The following AGBL1 variants were observed in gnomAD, a reference collection of about 807,000 sequenced individuals.
AGBL1 encodes AGBL carboxypeptidase 1.
In AGBL1, 130 loss-of-function variants were observed where a neutral mutation model predicts 118.9. That is an observed-to-expected ratio of 1.09 (90% CI 0.95 to 1.26). The LOEUF is 1.26. AGBL1 is among the 50% of genes most tolerant of loss of function. The probability of loss-of-function intolerance (pLI) is 0.00; values close to 1 mark genes in which losing one functional copy is unlikely to be tolerated. For missense variants in AGBL1, 1,584 were observed against 1,298.1 expected (o/e 1.22, Z -3.38); for synonymous variants, 555 against 478.9 (o/e 1.16, Z -2.08).
intron 18 of AGBL1, among the ~76,000 whole-genome samples, chr15:86,522,448 A>C (rs901658174): frequency 3.9e-5 from 6 of 152,224 alleles, no homozygotes; most frequent in Non-Finnish European, 7.3e-5. Flanking sequence ...TGATAGATTG[A>C]ATGCAACTTA....
chr15:86,142,984 T>A (rs2076983512), intron 2 of AGBL1, among the ~76,000 whole-genome samples: 1 of 152,218 alleles, frequency 6.6e-6, no homozygotes, highest in South Asian at 2.1e-4. Context: ...GCCACCTTGG[T>A]TAAGTCAACT....
chr15:86,169,408 G>C (rs2077384597), intron 5 of AGBL1, among the ~76,000 whole-genome samples: 1 of 152,132 alleles, frequency 6.6e-6, no homozygotes, highest in Non-Finnish European at 1.5e-5. Context: ...AGACAGACTG[G>C]AAAACCTCAT....
At chr15:86,303,654 T>C (rs2079790669) in intron 17 of AGBL1, among the ~76,000 whole-genome samples, 1 of 152,056 alleles carries the variant, frequency 6.6e-6, no homozygotes, top group Non-Finnish European at 1.5e-5. Context: ...ATAAAACAAA[T>C]TTTATACTAC....
chr15:86,413,114 G>A (rs1255414472), intron 18 of AGBL1, among the ~76,000 whole-genome samples: 7 of 152,116 alleles, frequency 4.6e-5, no homozygotes, highest in Admixed American at 4.6e-4. Context: ...ATAGAATTCT[G>A]TAATGTTAGA....
chr15:86,584,262 G>T (rs955571333), intron 21 of AGBL1, among the ~76,000 whole-genome samples: 4 of 151,986 alleles, frequency 2.6e-5, no homozygotes, highest in African/African-American at 9.7e-5. Context: ...CTTTCCCAAG[G>T]TCAATGTCCA....
intron 16 of AGBL1, 82 bp from the exon 17 acceptor site, chr15:86,295,173 A>C: frequency 6.8e-7 from 1 of 1,474,252 alleles, no homozygotes; most frequent in Non-Finnish European, 9.3e-7. Flanking sequence ...CTTCTAAACT[A>C]TATGTAAGCC....
chr15:86,467,889 T>C (rs12903131), intron 18 of AGBL1, among the ~76,000 whole-genome samples: 55,555 of 152,006 alleles, frequency 0.37, 11,108 homozygotes, highest in Non-Finnish European at 0.46. Context: ...TCTGTGTTGG[T>C]CTGGCTGGGA....
At chr15:86,251,437 G>A (rs548159666) in intron 7 of AGBL1, among the ~76,000 whole-genome samples, 1 of 152,128 alleles carries the variant, frequency 6.6e-6, no homozygotes, top group Non-Finnish European at 1.5e-5. Context: ...CCTAAATGAC[G>A]CTGATACTAC....
intron 22 of AGBL1, among the ~76,000 whole-genome samples, chr15:86,767,295 C>A (rs181437837): frequency 1.1e-3 from 171 of 151,978 alleles, no homozygotes; most frequent in Non-Finnish European, 2.1e-3. Flanking sequence ...TTCATGGCAC[C>A]AGGGACAGAG....
chr15:86,155,941 A>C (rs1382965696), intron 4 of AGBL1, among the ~76,000 whole-genome samples: 3 of 151,754 alleles, frequency 2.0e-5, no homozygotes, highest in African/African-American at 7.3e-5. Flanking sequence ...TATTTTTTTG[A>C]GATGAAGTCT....
chr15:86,716,176 C>T (rs1395634848), intron 22 of AGBL1, among the ~76,000 whole-genome samples: 2 of 152,126 alleles, frequency 1.3e-5, no homozygotes, highest in Non-Finnish European at 2.9e-5. Context: ...CTCCTCCATT[C>T]CTGGAATCTC....
At chr15:86,732,480 C>A (rs1398175821) in intron 22 of AGBL1, among the ~76,000 whole-genome samples, 1 of 152,072 alleles carries the variant, frequency 6.6e-6, no homozygotes, top group Non-Finnish European at 1.5e-5. Flanking sequence ...CCCTAATATT[C>A]TTTCTATGCA....
chr15:86,792,480 G>C (rs2078508721), intron 22 of AGBL1, among the ~76,000 whole-genome samples: 1 of 152,184 alleles, frequency 6.6e-6, no homozygotes, highest in Admixed American at 6.5e-5. Flanking sequence ...AGAGTGGCCT[G>C]TAAGATTTTT....
intron 22 of AGBL1, among the ~76,000 whole-genome samples, chr15:86,710,839 A>G (rs933581497): frequency 6.6e-5 from 10 of 152,208 alleles, no homozygotes; most frequent in Non-Finnish European, 1.2e-4. Flanking sequence ...TTCAAGGTCA[A>G]ATATTAGCAC....
At chr15:86,307,348 A>G (rs2079855981) in intron 17 of AGBL1, among the ~76,000 whole-genome samples, 1 of 152,200 alleles carries the variant, frequency 6.6e-6, no homozygotes, top group African/African-American at 2.4e-5. Context: ...GGATTCATTC[A>G]TTTAGCAAAG....
chr15:86,230,097 A>G (rs1257635128), intron 6 of AGBL1, among the ~76,000 whole-genome samples: 1 of 152,176 alleles, frequency 6.6e-6, no homozygotes, highest in East Asian at 1.9e-4. Flanking sequence ...GAGACTTCTC[A>G]CAGATCTTCC....
chr15:86,963,519 G>T (rs1009265543), intron 23 of AGBL1, among the ~76,000 whole-genome samples: 1 of 151,848 alleles, frequency 6.6e-6, no homozygotes, highest in Non-Finnish European at 1.5e-5. Context: ...AATCTACCAC[G>T]TTGAAAGCAC....
intron 1 of AGBL1, among the ~76,000 whole-genome samples, chr15:86,105,714 C>A (rs1897016645): frequency 6.6e-6 from 1 of 152,154 alleles, no homozygotes; most frequent in Non-Finnish European, 1.5e-5. Flanking sequence ...GTTAATAGAT[C>A]CCTCAGTTAC....
chr15:86,360,193 G>GT (rs1450196241), intron 17 of AGBL1, among the ~76,000 whole-genome samples: 1 of 151,884 alleles, frequency 6.6e-6, no homozygotes, highest in Admixed American at 6.6e-5. Context: ...TATGGCTTTA[G>GT]TGTGTTGAAG....
Sources: gnomAD v4.1 joint callset for allele counts (sites outside exome capture counted in the v4.1 genomes callset) on GRCh38, gnomAD v4.1.1 for gene constraint, MANE v1.5 for transcripts, NCBI Gene and HGNC (gene_info 2026-07-23, HGNC 2026-07-21) for gene names.